NLGN1: variants seen among roughly 807,000 people sequenced by gnomAD.
The protein encoded by NLGN1 is neuroligin 1, also known as neuroligin-1.
NLGN1 carries 12 observed loss-of-function variants against 65.5 expected under a neutral mutation model. The ratio of observed to expected loss-of-function variants is 0.18; its 90% CI spans 0.12 to 0.30. The LOEUF (loss-of-function observed/expected upper bound fraction) is 0.30. NLGN1 is among the 10% of genes least tolerant of loss of function. The pLI is 1.00. For synonymous variants in NLGN1, 350 were observed against 359.5 expected (o/e 0.97, Z 0.30); for missense variants, 750 against 1,007.1 (o/e 0.74, Z 3.46).
intron 1 of NLGN1, among the ~76,000 whole-genome samples, chr3:173,398,898 T>G (rs1274648990): frequency 3.3e-5 from 5 of 152,226 alleles, no homozygotes; most frequent in African/African-American, 1.2e-4. Context: ...CCATTAATTG[T>G]GCTCAATTAT....
intron 3 of NLGN1, among the ~76,000 whole-genome samples, chr3:173,630,526 AT>A (rs1490491467): frequency 6.6e-6 from 1 of 151,926 alleles, no homozygotes; most frequent in Non-Finnish European, 1.5e-5. Context: ...GTGGTCTAGT[AT>A]TTTTTTCTAG....
chr3:174,274,072 A>ATAAG (rs1405224282), intron 4 of NLGN1, among the ~76,000 whole-genome samples: 1 of 150,994 alleles, frequency 6.6e-6, no homozygotes, highest in Non-Finnish European at 1.5e-5. Context: ...TAAGTCTCCA[A>ATAAG]TAAGAGAGAA....
intron 4 of NLGN1, among the ~76,000 whole-genome samples, chr3:174,098,181 T>C (rs1711526193): frequency 6.6e-6 from 1 of 152,226 alleles, no homozygotes; most frequent in African/African-American, 2.4e-5. Flanking sequence ...AATGAGATTA[T>C]CCAGGATTGG....
At chr3:174,074,686 G>GAT (rs1433039843) in intron 4 of NLGN1, among the ~76,000 whole-genome samples, 1 of 152,196 alleles carries the variant, frequency 6.6e-6, no homozygotes, top group Non-Finnish European at 1.5e-5. Flanking sequence ...CACAAACATT[G>GAT]ATATAAGTTT....
chr3:173,620,599 C>CTGAACAAAT (rs1753839297), intron 3 of NLGN1, among the ~76,000 whole-genome samples: 1 of 152,028 alleles, frequency 6.6e-6, no homozygotes, highest in South Asian at 2.1e-4. Context: ...GGCTGGAATA[C>CTGAACAAAT]TGAACAAATT....
chr3:173,784,526 A>G (rs1781649308), intron 3 of NLGN1, among the ~76,000 whole-genome samples: 1 of 152,158 alleles, frequency 6.6e-6, no homozygotes, highest in Non-Finnish European at 1.5e-5. Context: ...GCACACACAC[A>G]GACCGTACCT....
At position 174,201,322 on chromosome 3, in the gene NLGN1, C is replaced by T. The variant is rs1210501481; in HGVS notation, c.647-73993C>T. On this transcript the variant is annotated intron_variant, in intron 4 of 6. Transcript: ENST00000457714. ...GGAGGGAGGGAGGAAGGGAGGGAGG[C>T]GGGAGGAGGGAAGGTGGGAGGAATG... 8.9e-3 allele frequency among the ~76,000 whole-genome samples: 578 copies of T among 65,174 alleles called. 6 individuals are homozygous for T. Among genetic ancestry groups the T allele is most frequent in the African/African-American group, 0.034 (547 of 16,216 alleles). The allele number at this position is 65,174 out of a possible 152,430, so 42.8% of individuals were successfully genotyped here.
intron 3 of NLGN1, among the ~76,000 whole-genome samples, chr3:173,698,314 G>A (rs573046138): frequency 4.2e-4 from 64 of 152,242 alleles, no homozygotes; most frequent in African/African-American, 1.5e-3. Flanking sequence ...TTATCAAATC[G>A]AAGATTTTTT....
intron 4 of NLGN1, among the ~76,000 whole-genome samples, chr3:174,254,095 A>G (rs1266997606): frequency 6.6e-6 from 1 of 152,162 alleles, no homozygotes; most frequent in African/African-American, 2.4e-5. Context: ...TGGCGTTGGT[A>G]AACAAGATTC....
At chr3:174,102,765 T>C (rs1213155888) in intron 4 of NLGN1, among the ~76,000 whole-genome samples, 2 of 152,116 alleles carry the variant, frequency 1.3e-5, no homozygotes, top group African/African-American at 4.8e-5. Context: ...ACAGTTAATA[T>C]CATGATTGAA....
intron 3 of NLGN1, among the ~76,000 whole-genome samples, chr3:173,777,723 T>C (rs1006000630): frequency 6.6e-6 from 1 of 151,766 alleles, no homozygotes; most frequent in African/African-American, 2.4e-5. Context: ...GTCACTTAGG[T>C]TGATTTCATA....
rs1734129975 is a variant in NLGN1 at position 174,199,918 on chromosome 3, T to C, written c.647-75397T>C. On this transcript the variant is annotated intron_variant, in intron 4 of 6. Coordinates refer to ENST00000457714, the Ensembl canonical transcript of NLGN1. ...ATAAATACCATAGGAGCTTAGTAAT[T>C]TACCCAAAGCCCACAGTTATAGCCA... Among the ~76,000 whole-genome samples, 3 of 152,212 alleles carry C rather than the reference T, an allele frequency of 2.0e-5. No homozygotes were observed. In the South Asian group the frequency reaches 6.2e-4, roughly 32 times the overall value.
chr3:173,968,939 GA>G (rs1715539031), intron 4 of NLGN1, among the ~76,000 whole-genome samples: 1 of 151,376 alleles, frequency 6.6e-6, no homozygotes, highest in Admixed American at 6.6e-5. Context: ...GACCTCAAAT[GA>G]TCCGCCCACC....
At chr3:173,983,637 T>C (rs1719246342) in intron 4 of NLGN1, among the ~76,000 whole-genome samples, 1 of 152,104 alleles carries the variant, frequency 6.6e-6, no homozygotes, top group South Asian at 2.1e-4. Context: ...TCGTGCCCAG[T>C]ATGTCTCCAT....
chr3:173,600,182 C>T (rs1362692702), intron 2 of NLGN1, among the ~76,000 whole-genome samples: 7 of 122,192 alleles, frequency 5.7e-5, no homozygotes, highest in African/African-American at 1.7e-4. Flanking sequence ...TATCTATGTA[C>T]ATGTGTGTAC....
At chr3:174,216,784 A>G (rs1453023224) in intron 4 of NLGN1, among the ~76,000 whole-genome samples, 1 of 152,078 alleles carries the variant, frequency 6.6e-6, no homozygotes, top group African/African-American at 2.4e-5. Flanking sequence ...TGTGAAATTG[A>G]TGACTGCCCC....
At chr3:173,690,985 T>C (rs912266112) in intron 3 of NLGN1, among the ~76,000 whole-genome samples, 1 of 152,086 alleles carries the variant, frequency 6.6e-6, no homozygotes, top group African/African-American at 2.4e-5. Flanking sequence ...TGAACACAGT[T>C]CTAGGTAGAA....
rs74341089 is a variant in NLGN1, at chr3:173,553,839, A to G, written c.-320-50440A>G. Among the ~76,000 whole-genome samples, 923 of 152,296 alleles carry G rather than the reference A, an allele frequency of 6.1e-3. 17 individuals carry two copies. In the East Asian group the frequency reaches 0.062, roughly 10 times the overall value. On this transcript the variant is annotated intron_variant, in intron 2 of 6. Transcript: ENST00000457714. ...TCTTAGCTATTTTGTGAAGACTTGG[A>G]AAGTTACTCATTGAGCCCTCTGCTG... is the stretch of plus-strand genomic sequence containing the variant.
chr3:173,433,785 C>T (rs890950199), intron 1 of NLGN1, among the ~76,000 whole-genome samples: 7 of 152,038 alleles, frequency 4.6e-5, no homozygotes, highest in Admixed American at 1.3e-4. Flanking sequence ...TCACTTTATG[C>T]GTAATGGAAG....
Sources: allele counts gnomAD v4.1 joint callset (sites outside exome capture counted in the v4.1 genomes callset), GRCh38; gene constraint gnomAD v4.1.1; transcripts MANE v1.5; gene names NCBI Gene and HGNC (gene_info 2026-07-23, HGNC 2026-07-21).